ZPBP: variants seen among roughly 807,000 people sequenced by gnomAD.
ZPBP encodes zona pellucida-binding protein 1.
ZPBP carries 26 observed loss-of-function variants against 44.8 expected under a neutral mutation model. The ratio of observed to expected loss-of-function variants is 0.58; its 90% CI spans 0.43 to 0.81. ZPBP has a LOEUF of 0.81. Ranked by LOEUF, ZPBP falls within the 30% of genes least tolerant of loss-of-function variation. ZPBP has a pLI of 0.00. For missense variants in ZPBP, 409 were observed against 434.0 expected, an observed-to-expected ratio of 0.94 and a Z score of 0.51; for synonymous variants, 174 against 153.2, an observed-to-expected ratio of 1.14 and a Z score of -1.00.
chr7:49,964,988 A>G (rs1223842537), intron 7 of ZPBP, among the ~76,000 whole-genome samples: 3 of 152,132 alleles, frequency 2.0e-5, no homozygotes, highest in African/African-American at 4.8e-5. Flanking sequence ...AGAATAGTCC[A>G]TGCTCCCATC....
intron 2 of ZPBP, among the ~76,000 whole-genome samples, chr7:49,895,196 A>T (rs1792323723): frequency 6.6e-6 from 1 of 152,136 alleles, no homozygotes; most frequent in African/African-American, 2.4e-5. Context: ...TAGCGTCCTC[A>T]CACAGTGGGC....
chr7:50,038,872 T>C (rs528912358), intron 4 of ZPBP, among the ~76,000 whole-genome samples: 1 of 152,344 alleles, frequency 6.6e-6, no homozygotes, highest in South Asian at 2.1e-4. Flanking sequence ...GAAAAGGCCA[T>C]ACCACGTAGC....
chr7:49,921,047 A>G (rs1793995301), intron 1 of ZPBP: 1 of 152,234 alleles, frequency 6.6e-6, no homozygotes, highest in South Asian at 2.1e-4. Flanking sequence ...AACAACATCA[A>G]TTTTACCTAA....
intron 7 of ZPBP, among the ~76,000 whole-genome samples, chr7:49,981,622 T>TAAATTA (rs1562820285): frequency 0.026 from 241 of 9,288 alleles, 36 homozygotes; most frequent in African/African-American, 0.041. Context: ...TTATATTATA[T>TAAATTA]TATATTATAT....
chr7:50,034,089 G>A (rs1799722269), intron 4 of ZPBP, among the ~76,000 whole-genome samples: 1 of 152,128 alleles, frequency 6.6e-6, no homozygotes, highest in South Asian at 2.1e-4. Context: ...GTAGAAATAG[G>A]TGACCAGAGA....
rs140952638 is a variant in ZPBP, at chr7:50,065,063, G to A, written c.335-6922C>T. ...ACGTTCTTCTGCCATGGCTTCAGCCGGTCCCTCCGTTTGTAGTCCCTGACT... is the reference window on the plus strand; with the variant it reads ...ACGTTCTTCTGCCATGGCTTCAGCCAGTCCCTCCGTTTGTAGTCCCTGACT... On this transcript the variant is annotated intron_variant, in intron 3 of 7. Transcript: ENST00000046087. Among the ~76,000 whole-genome samples, 1,224 of 152,264 alleles carry A rather than the reference G, an allele frequency of 8.0e-3. 18 individuals are homozygous for A. Among genetic ancestry groups the A allele is most frequent in the South Asian group, 0.068 (327 of 4,818 alleles).
chr7:50,080,504 C>A (rs977408057), intron 3 of ZPBP, among the ~76,000 whole-genome samples: 1 of 151,496 alleles, frequency 6.6e-6, no homozygotes, highest in South Asian at 2.1e-4. Context: ...CAAGACCTGG[C>A]GTTGCACCTC....
intron 2 of ZPBP, among the ~76,000 whole-genome samples, chr7:49,866,688 G>A (rs1478629470): frequency 6.6e-6 from 1 of 152,226 alleles, no homozygotes; most frequent in East Asian, 1.9e-4. Context: ...GGATTGTGGT[G>A]CATTACTAGA....
At chr7:49,872,632 G>A (rs764365975) in intron 2 of ZPBP, among the ~76,000 whole-genome samples, 4 of 151,520 alleles carry the variant, frequency 2.6e-5, no homozygotes, top group Admixed American at 1.3e-4. Context: ...GGGGCTGGGC[G>A]CAGTGGCTCA....
intron 2 of ZPBP, among the ~76,000 whole-genome samples, chr7:49,852,573 T>A (rs190495748): frequency 3.3e-5 from 5 of 152,094 alleles, no homozygotes; most frequent in Admixed American, 6.5e-5. Flanking sequence ...ATTTAGTGGT[T>A]TTTCCTGTTT....
intron 7 of ZPBP, among the ~76,000 whole-genome samples, chr7:49,940,328 AAT>A (rs1338690759): frequency 6.6e-6 from 1 of 152,194 alleles, no homozygotes; most frequent in Non-Finnish European, 1.5e-5. Context: ...TATTATTCAG[AAT>A]ATATAATTAA....
chr7:50,043,531 T>A (rs544287505), intron 4 of ZPBP, among the ~76,000 whole-genome samples: 2 of 152,270 alleles, frequency 1.3e-5, no homozygotes, highest in African/African-American at 4.8e-5. Flanking sequence ...ACAATCCTAG[T>A]CTATGATAAA....
chr7:49,912,377 GAACTTTGGGCATA>G, intron 1 of ZPBP: 1 of 540,054 alleles, frequency 1.9e-6, no homozygotes, highest in Non-Finnish European at 3.1e-6. Context: ...ACATCAACAA[GAACTTTGGGCATA>G]AAATCCTTCT....
intron 5 of ZPBP, among the ~76,000 whole-genome samples, chr7:50,026,307 G>A (rs1346424819): frequency 7.2e-5 from 11 of 151,736 alleles, no homozygotes. Context: ...AGAAAAAACT[G>A]ACAGAACTGA....
chr7:49,854,377 G>GT (rs1790328276), intron 2 of ZPBP, among the ~76,000 whole-genome samples: 1 of 151,972 alleles, frequency 6.6e-6, no homozygotes, highest in African/African-American at 2.4e-5. Context: ...AGCACCTGTT[G>GT]TTTCCTGACT....
chr7:50,090,583 G>A (rs1234263838), intron 1 of ZPBP, among the ~76,000 whole-genome samples: 2 of 150,520 alleles, frequency 1.3e-5, no homozygotes, highest in African/African-American at 2.5e-5. Context: ...ATATATTTGT[G>A]TATATATATG....
At chr7:50,067,866 A>G (rs1801608097) in intron 3 of ZPBP, among the ~76,000 whole-genome samples, 1 of 152,214 alleles carries the variant, frequency 6.6e-6, no homozygotes, top group Non-Finnish European at 1.5e-5. Context: ...CCATGACTTT[A>G]TGACTTGAGT....
intron 6 of ZPBP, among the ~76,000 whole-genome samples, chr7:50,014,465 CT>C (rs11378550): frequency 0.012 from 1,532 of 132,334 alleles, 9 homozygotes; most frequent in African/African-American, 0.025. Flanking sequence ...CTTTCTTTTT[CT>C]TTTTTTTTTT....
chr7:50,013,212 A>G (rs1798666936), intron 6 of ZPBP, among the ~76,000 whole-genome samples: 1 of 151,982 alleles, frequency 6.6e-6, no homozygotes, highest in Non-Finnish European at 1.5e-5. Context: ...ATAGTTATTT[A>G]AATTATTTTA....
Sources: gnomAD v4.1 joint callset for allele counts (sites outside exome capture counted in the v4.1 genomes callset) on GRCh38, gnomAD v4.1.1 for gene constraint, MANE v1.5 for transcripts, NCBI Gene and HGNC (gene_info 2026-07-23, HGNC 2026-07-21) for gene names.